TMEM108: variants seen among roughly 807,000 people sequenced by gnomAD.
The protein encoded by TMEM108 is transmembrane protein 108.
A neutral mutation model predicts 35.1 loss-of-function variants in TMEM108; 12 were observed. The observed-to-expected ratio is 0.34, with a 90% CI of 0.22 to 0.55. TMEM108 has a LOEUF of 0.55. Among genes scored for constraint, TMEM108 ranks in the 20% least tolerant of loss-of-function variants. TMEM108 has a pLI of 0.89. For missense variants in TMEM108, 680 were observed against 753.3 expected (o/e 0.90, Z 1.14); for synonymous variants, 287 against 308.6 (o/e 0.93, Z 0.73).
At chr3:133,107,663 G>A (rs1370532209) in intron 2 of TMEM108, among the ~76,000 whole-genome samples, 1 of 152,070 alleles carries the variant, frequency 6.6e-6, no homozygotes, top group Non-Finnish European at 1.5e-5. Flanking sequence ...CCAAAAAAGG[G>A]ATTGCTCATG....
At chr3:133,140,431 A>G (rs1449331526) in intron 2 of TMEM108, among the ~76,000 whole-genome samples, 2 of 152,218 alleles carry the variant, frequency 1.3e-5, no homozygotes, top group African/African-American at 4.8e-5. Context: ...AGATCATATC[A>G]ACAGACATTA....
intron 2 of TMEM108, among the ~76,000 whole-genome samples, chr3:133,157,433 A>G (rs1324159383): frequency 1.3e-5 from 2 of 152,226 alleles, no homozygotes; most frequent in Non-Finnish European, 2.9e-5. Context: ...GTGTACACAT[A>G]CACACACATA....
chr3:133,118,057 G>A (rs544293184), intron 2 of TMEM108, among the ~76,000 whole-genome samples: 1 of 152,206 alleles, frequency 6.6e-6, no homozygotes, highest in South Asian at 2.1e-4. Context: ...TGGGGAGTTG[G>A]TAGAGTACTA....
At chr3:133,090,330 T>C (rs911079189) in intron 2 of TMEM108, among the ~76,000 whole-genome samples, 1 of 152,240 alleles carries the variant, frequency 6.6e-6, no homozygotes, top group Admixed American at 6.5e-5. Flanking sequence ...AGTGATGTCA[T>C]TCTTATTGCT....
chr3:133,101,275 G>A (rs184286486), intron 2 of TMEM108, among the ~76,000 whole-genome samples: 2 of 152,308 alleles, frequency 1.3e-5, no homozygotes, highest in East Asian at 3.9e-4. Flanking sequence ...AGTGCTGTGT[G>A]TATCAGGCGT....
chr3:133,302,423 T>TC (rs1559897512), intron 3 of TMEM108, among the ~76,000 whole-genome samples: 1 of 144,920 alleles, frequency 6.9e-6, no homozygotes, highest in Non-Finnish European at 1.5e-5. Context: ...TTCTTTTTTT[T>TC]TTTTTTTTTT....
chr3:133,307,238 ATTTG>A (rs2107708171), intron 3 of TMEM108, among the ~76,000 whole-genome samples: 1 of 152,142 alleles, frequency 6.6e-6, no homozygotes, highest in Admixed American at 6.5e-5. Context: ...TTTCTTGTAA[ATTTG>A]TTTAAGTTCT....
intron 2 of TMEM108, among the ~76,000 whole-genome samples, chr3:133,196,016 G>T (rs1945570736): frequency 6.6e-6 from 1 of 152,150 alleles, no homozygotes; most frequent in African/African-American, 2.4e-5. Context: ...CTTTCATTTG[G>T]AATGCTGAAG....
At chr3:133,279,637 C>T (rs547232272) in intron 3 of TMEM108, among the ~76,000 whole-genome samples, 12 of 152,330 alleles carry the variant, frequency 7.9e-5, no homozygotes, top group African/African-American at 2.6e-4. Context: ...CCATGTACCA[C>T]ACTCAGTGCC....
chr3:133,189,974 A>T (rs982533902), intron 2 of TMEM108, among the ~76,000 whole-genome samples: 6 of 152,106 alleles, frequency 3.9e-5, no homozygotes, highest in African/African-American at 1.4e-4. Context: ...ACCATCAAAT[A>T]TGGCTCTCTT....
At chr3:133,356,413 A>G (rs2072171460) in intron 3 of TMEM108, among the ~76,000 whole-genome samples, 1 of 152,228 alleles carries the variant, frequency 6.6e-6, no homozygotes, top group Non-Finnish European at 1.5e-5. Flanking sequence ...CAATCTACAG[A>G]TACAATGCAA....
At chr3:133,378,315 C>T in intron 3 of TMEM108, 1 of 983,596 alleles carries the variant, frequency 1.0e-6, no homozygotes, top group Non-Finnish European at 1.2e-6. Context: ...GCCTGGAGAT[C>T]TCCTCCCCAT....
chr3:133,277,316 A>G (rs756983181), intron 3 of TMEM108, among the ~76,000 whole-genome samples: 2 of 151,900 alleles, frequency 1.3e-5, no homozygotes, highest in Non-Finnish European at 2.9e-5. Flanking sequence ...CAAATGGCTC[A>G]GAAAAAAAAA....
chr3:133,166,604 C>T (rs1276288625), intron 2 of TMEM108, among the ~76,000 whole-genome samples: 1 of 151,786 alleles, frequency 6.6e-6, no homozygotes, highest in Non-Finnish European at 1.5e-5. Context: ...TGTTACAGCT[C>T]TTAAAGCGGC....
At chr3:133,228,426 A>G (rs1337406315) in intron 2 of TMEM108, among the ~76,000 whole-genome samples, 1 of 152,170 alleles carries the variant, frequency 6.6e-6, no homozygotes, top group Non-Finnish European at 1.5e-5. Flanking sequence ...GATTATTCTA[A>G]TATACTAGTA....
At chr3:133,223,196 T>C (rs924859891) in intron 2 of TMEM108, among the ~76,000 whole-genome samples, 3 of 152,252 alleles carry the variant, frequency 2.0e-5, no homozygotes, top group South Asian at 2.1e-4. Flanking sequence ...TTTGAAGAAA[T>C]AGGGACTTAT....
intron 3 of TMEM108, among the ~76,000 whole-genome samples, chr3:133,270,829 TCA>T (rs370143465): frequency 2.7e-5 from 4 of 147,152 alleles, no homozygotes; most frequent in South Asian, 2.2e-4. Flanking sequence ...ACTCACACAC[TCA>T]CACACACACA....
chr3:133,114,612 C>T (rs1944265638), intron 2 of TMEM108, among the ~76,000 whole-genome samples: 1 of 152,050 alleles, frequency 6.6e-6, no homozygotes, highest in South Asian at 2.1e-4. Context: ...GATTCCCTGC[C>T]TCCTGCCTTT....
chr3:133,377,985 C>T lies in TMEM108; in HGVS notation c.41-1767C>T, dbSNP rs550056048. ...GATCTGAGGTGGAAGAGTTTCATCC[C>T]AAAACCATACCCCCCCCGACCAACT... On this transcript the variant is annotated intron_variant, in intron 3 of 5. Coordinates refer to ENST00000321871, the MANE Select transcript of TMEM108 (RefSeq NM_023943.4). Among the ~76,000 whole-genome samples, 380 of 123,658 alleles carry T rather than the reference C, an allele frequency of 3.1e-3. 7 individuals carry two copies. The highest frequency in any genetic ancestry group is 0.012 in the African/African-American group (369 of 31,346). 81.1% of individuals were successfully genotyped at this position (123,658 alleles called of 152,430 possible). A position where few individuals can be genotyped will look rare whatever the true frequency, so the allele number is the denominator to read the frequency against.
Sources: allele counts gnomAD v4.1 joint callset (sites outside exome capture counted in the v4.1 genomes callset), GRCh38; gene constraint gnomAD v4.1.1; transcripts MANE v1.5; gene names NCBI Gene and HGNC (gene_info 2026-07-23, HGNC 2026-07-21).